CUX1: variants seen among roughly 807,000 people sequenced by gnomAD.
The protein encoded by CUX1 is cut like homeobox 1, also known as protein CASP.
In CUX1, 31 loss-of-function variants were observed where a neutral mutation model predicts 158.8. That is an observed-to-expected ratio of 0.20 (90% CI 0.15 to 0.26). CUX1 has a LOEUF of 0.26. Ranked by LOEUF, CUX1 falls within the 10% of genes least tolerant of loss-of-function variation. The probability of loss-of-function intolerance (pLI) is 1.00; values close to 1 mark genes in which losing one functional copy is unlikely to be tolerated. For synonymous variants in CUX1, 879 were observed against 862.1 expected (o/e 1.02, Z -0.34); for missense variants, 1,589 against 2,014.6 (o/e 0.79, Z 4.04).
At chr7:102,244,167 AT>A (rs1380689601) in intron 23 of CUX1, among the ~76,000 whole-genome samples, 39 of 152,274 alleles carry the variant, frequency 2.6e-4, no homozygotes, top group Admixed American at 2.4e-3. Context: ...ACCTGCCGTT[AT>A]ACCCGACAGA....
At chr7:101,992,074 G>A (rs1815209309) in intron 2 of CUX1, among the ~76,000 whole-genome samples, 1 of 152,336 alleles carries the variant, frequency 6.6e-6, no homozygotes, top group Non-Finnish European at 1.5e-5. Flanking sequence ...CATGGGCCAA[G>A]TGGCCAAGGT....
At chr7:101,903,137 C>G (rs1180643133) in intron 1 of CUX1, among the ~76,000 whole-genome samples, 4 of 152,142 alleles carry the variant, frequency 2.6e-5, no homozygotes, top group African/African-American at 9.7e-5. Flanking sequence ...CCCTGGTTGA[C>G]CCCGAGGCCA....
Position 102,111,879 on chromosome 7 carries a change from G to A in CUX1, c.607+105G>A, listed in dbSNP as rs1050471142. On this transcript the variant is annotated intron_variant, in intron 7 of 23. Coordinates refer to ENST00000292535, the MANE Select transcript of CUX1 (RefSeq NM_181552.4). Reference sequence around the variant, plus strand: ...TCCCCGCGGATACCTGTTGCTCTTCGGGGCCGTGGGAGCTGCCGGGAGCCC... The same window carrying A: ...TCCCCGCGGATACCTGTTGCTCTTCAGGGCCGTGGGAGCTGCCGGGAGCCC... 47 of 990,746 alleles carry A rather than the reference G, an allele frequency of 4.7e-5. No homozygotes were observed. In the Middle Eastern group the frequency reaches 8.0e-4, roughly 17 times the overall value. 61.4% of individuals were successfully genotyped at this position (990,746 alleles called of 1,614,324 possible).
chr7:102,019,192 C>T (rs960044842), intron 2 of CUX1, among the ~76,000 whole-genome samples: 1 of 152,096 alleles, frequency 6.6e-6, no homozygotes, highest in Non-Finnish European at 1.5e-5. Flanking sequence ...CCGCGCCCCC[C>T]TCCCACCCCA....
chr7:102,170,425 A>G, intron 9 of CUX1, 21 bp from the exon 10 acceptor site: 4 of 1,497,138 alleles, frequency 2.7e-6, no homozygotes, highest in Non-Finnish European at 9.1e-7. Context: ...TTTCTCTTTC[A>G]CCCCTTTTCA....
chr7:101,865,289 T>G (rs1797834329), intron 1 of CUX1, among the ~76,000 whole-genome samples: 1 of 152,230 alleles, frequency 6.6e-6, no homozygotes, highest in African/African-American at 2.4e-5. Context: ...ATAGACTGGT[T>G]GTTCTGATTT....
chr7:102,006,715 G>T (rs186447715), intron 2 of CUX1, among the ~76,000 whole-genome samples: 2 of 152,196 alleles, frequency 1.3e-5, no homozygotes, highest in African/African-American at 4.8e-5. Context: ...GGAAAATAAG[G>T]TTATTGGTGA....
intron 4 of CUX1, among the ~76,000 whole-genome samples, chr7:102,092,594 A>G (rs1225272823): frequency 6.6e-6 from 1 of 152,168 alleles, no homozygotes; most frequent in Non-Finnish European, 1.5e-5. Flanking sequence ...ACCAAACATC[A>G]TAAGTTGAAA....
chr7:102,261,467 C>A (rs1790393200), downstream of CUX1, among the ~76,000 whole-genome samples: 3 of 151,940 alleles, frequency 2.0e-5, no homozygotes, highest in Admixed American at 2.0e-4. Context: ...GCACTCCAGC[C>A]TGGGCAACAG....
Position 102,248,321 on chromosome 7 carries a change from G to T in CUX1, c.3888-91G>T, listed in dbSNP as rs1801044541. 5 of 1,230,630 alleles carry T rather than the reference G, an allele frequency of 4.1e-6. No individual in the cohort carries two copies. The highest frequency in any genetic ancestry group is 5.5e-6 in the Non-Finnish European group (5 of 901,158). The allele number at this position is 1,230,630 out of a possible 1,614,324, so 76.2% of individuals were successfully genotyped here. ...GGCCTCCAGGCTGGACGGAGCAGGA[G>T]CCCCAGAGAGAGGGGTCTGGCTGGG... On this transcript the variant is annotated intron_variant, in intron 23 of 23. Coordinates refer to ENST00000292535, the MANE Select transcript of CUX1 (RefSeq NM_181552.4). This position sits in a 1 kb window ranked among gnomAD's most constrained non-coding sequence, Gnocchi z 5.8.
intron 2 of CUX1, among the ~76,000 whole-genome samples, chr7:101,964,068 G>A (rs917195467): frequency 6.6e-6 from 1 of 152,108 alleles, no homozygotes; most frequent in Admixed American, 6.5e-5. Context: ...ATGACAAGGC[G>A]GTACCGGGCA....
intron 1 of CUX1, among the ~76,000 whole-genome samples, chr7:101,822,000 G>A (rs535242706): frequency 6.6e-6 from 1 of 151,578 alleles, no homozygotes; most frequent in Non-Finnish European, 1.5e-5. Context: ...GACTACAGGC[G>A]CCCGCCACCA....
Position 102,045,340 on chromosome 7 carries a change from G to A in CUX1, c.189+17195G>A, listed in dbSNP as rs1248641726. 2.6e-5 allele frequency among the ~76,000 whole-genome samples: 4 copies of A among 152,332 alleles called. No individual in the cohort carries two copies. In the East Asian group the frequency reaches 7.7e-4, roughly 29 times the overall value. On this transcript the variant is annotated intron_variant, in intron 3 of 23. Transcript: ENST00000292535. ...AAGTCCATGATCTATGGAAGCCGGG[G>A]CAGGAGCCGTGCGCCTGTGGAAAGG... is the stretch of plus-strand genomic sequence containing the variant.
intron 22 of CUX1, among the ~76,000 whole-genome samples, chr7:102,235,797 C>T (rs1366141862): frequency 1.4e-5 from 2 of 145,244 alleles, no homozygotes; most frequent in East Asian, 2.0e-4. Context: ...CACACACACA[C>T]ACGCGCACAC....
Position 102,248,844 on chromosome 7 carries a change from G to A in CUX1, c.4320G>A (p.Pro1440=), listed in dbSNP as rs1481271524. Residue 1440 remains proline (P), a synonymous_variant, in exon 24 of 24, where the codon CCG becomes CCA. Transcript: ENST00000292535. The surrounding 1 kb of genome is among the most constrained non-coding windows in gnomAD (Gnocchi z 5.8). ...EGPAAPSSAP[P]PSNSSSSSAP... ...CCGCGGCCCCGAGCTCCGCGCCGCC[G>A]CCCAGCAACAGCAGCAGCAGCAGCG... 1.7e-5 allele frequency: 21 copies of A among 1,248,402 alleles called. No homozygotes were observed. The highest frequency in any genetic ancestry group is 3.7e-5 in the East Asian group (1 of 27,256). The allele number at this position is 1,248,402 out of a possible 1,614,324, so 77.3% of individuals were successfully genotyped here.
chr7:102,064,191 T>A (rs1331844827), intron 3 of CUX1, among the ~76,000 whole-genome samples: 1 of 151,898 alleles, frequency 6.6e-6, no homozygotes, highest in Non-Finnish European at 1.5e-5. Flanking sequence ...CGTCCTGGTT[T>A]AGCTTCTTCC....
intron 1 of CUX1, among the ~76,000 whole-genome samples, chr7:101,900,255 A>G (rs1259817477): frequency 6.6e-6 from 1 of 152,228 alleles, no homozygotes; most frequent in Non-Finnish European, 1.5e-5. Flanking sequence ...TCTTGGCACC[A>G]GGAGCTGTCA....
chr7:102,146,438 C>A (rs1016905320), intron 8 of CUX1, among the ~76,000 whole-genome samples: 14 of 152,162 alleles, frequency 9.2e-5, no homozygotes, highest in South Asian at 4.1e-4. Context: ...TCGTTCGGTT[C>A]ATCAGCTATA....
At chr7:101,902,263 GA>G (rs2131757106) in intron 1 of CUX1, among the ~76,000 whole-genome samples, 1 of 152,296 alleles carries the variant, frequency 6.6e-6, no homozygotes, top group South Asian at 2.1e-4. Context: ...TCAGTCATCT[GA>G]TCATCAGCTT....
Sources: allele counts gnomAD v4.1 joint callset (sites outside exome capture counted in the v4.1 genomes callset), GRCh38; gene constraint gnomAD v4.1.1; non-coding constraint Gnocchi (gnomAD v3.1); transcripts MANE v1.5; gene names NCBI Gene and HGNC (gene_info 2026-07-23, HGNC 2026-07-21).